Variants in KSR2 observed in about 807,000 individuals in gnomAD.
KSR2 encodes kinase suppressor of ras 2.
KSR2 carries 25 observed loss-of-function variants against 107.8 expected under a neutral mutation model. That is an observed-to-expected ratio of 0.23 (90% CI 0.17 to 0.32). The LOEUF is 0.32. Ranked by LOEUF, KSR2 falls within the 10% of genes least tolerant of loss-of-function variation. The pLI, the probability that KSR2 is intolerant of heterozygous loss-of-function variation, is 1.00. For synonymous variants in KSR2, 480 were observed against 507.0 expected (o/e 0.95, Z 0.71); for missense variants, 887 against 1,268.9 (o/e 0.70, Z 4.57).
chr12:117,953,917 C>T (rs1896435896), intron 1 of KSR2, among the ~76,000 whole-genome samples: 1 of 151,954 alleles, frequency 6.6e-6, no homozygotes, highest in Non-Finnish European at 1.5e-5. Flanking sequence ...TGGCAAGACC[C>T]AGCCTCTACA....
At chr12:117,709,344 T>C (rs1011170690) in intron 4 of KSR2, among the ~76,000 whole-genome samples, 13 of 152,156 alleles carry the variant, frequency 8.5e-5, no homozygotes, top group Admixed American at 3.3e-4. Context: ...GTTTTATTTT[T>C]GTTTTCTGAG....
chr12:117,840,105 A>T (rs4627174), intron 3 of KSR2, among the ~76,000 whole-genome samples: 28,846 of 146,918 alleles, frequency 0.2, 5,708 homozygotes, highest in African/African-American at 0.52. Context: ...ATTTTATTTT[A>T]TTTTTTTTTT....
chr12:117,762,216 A>G (rs114220496), intron 3 of KSR2, among the ~76,000 whole-genome samples: 265 of 152,360 alleles, frequency 1.7e-3, no homozygotes, highest in African/African-American at 6.3e-3. Flanking sequence ...AAGGACTTTA[A>G]AGGATAACTT....
At chr12:117,945,914 A>G (rs1228343756) in intron 1 of KSR2, among the ~76,000 whole-genome samples, 1 of 152,222 alleles carries the variant, frequency 6.6e-6, no homozygotes, top group Admixed American at 6.5e-5. Flanking sequence ...AGAAATCAGT[A>G]AGAAAAATAG....
chr12:117,606,329 C>T (rs1382296307), intron 5 of KSR2, among the ~76,000 whole-genome samples: 1 of 136,142 alleles, frequency 7.3e-6, no homozygotes, highest in East Asian at 2.4e-4. Flanking sequence ...TACTTTCTTC[C>T]TTCCTCCTTT....
intron 5 of KSR2, among the ~76,000 whole-genome samples, chr12:117,651,450 C>G (rs1883902867): frequency 6.6e-6 from 1 of 152,114 alleles, no homozygotes; most frequent in African/African-American, 2.4e-5. Context: ...ATCTAGAGAA[C>G]AGGCATGGGA....
chr12:117,679,058 T>C (rs1885259251), intron 4 of KSR2, among the ~76,000 whole-genome samples: 1 of 152,216 alleles, frequency 6.6e-6, no homozygotes, highest in Admixed American at 6.5e-5. Flanking sequence ...GCCCAAACTC[T>C]GTTTCCCCGT....
At chr12:117,518,801 G>T (rs745409405) in intron 14 of KSR2, among the ~76,000 whole-genome samples, 8 of 152,108 alleles carry the variant, frequency 5.3e-5, no homozygotes, top group Non-Finnish European at 1.2e-4. Flanking sequence ...ACCTCTACCT[G>T]AACTGCTCTT....
At chr12:117,745,636 G>A (rs1373293899) in intron 4 of KSR2, among the ~76,000 whole-genome samples, 1 of 152,096 alleles carries the variant, frequency 6.6e-6, no homozygotes, top group Non-Finnish European at 1.5e-5. Context: ...AGAGGATGTT[G>A]AATTGTCTCT....
At chr12:117,647,412 G>A (rs1010862245) in intron 5 of KSR2, among the ~76,000 whole-genome samples, 8 of 152,140 alleles carry the variant, frequency 5.3e-5, no homozygotes, top group African/African-American at 1.9e-4. Flanking sequence ...CAGACTGATG[G>A]GGCCAAGCCT....
At chr12:117,622,808 T>C (rs1882261901) in intron 5 of KSR2, among the ~76,000 whole-genome samples, 1 of 152,242 alleles carries the variant, frequency 6.6e-6, no homozygotes, top group Admixed American at 6.5e-5. Context: ...ACTCAATAGA[T>C]ATTTCTTGAA....
intron 1 of KSR2, among the ~76,000 whole-genome samples, chr12:117,951,057 G>A (rs892483286): frequency 2.6e-5 from 4 of 151,814 alleles, no homozygotes; most frequent in Non-Finnish European, 2.9e-5. Flanking sequence ...ACAGGCGCCC[G>A]CCACCACACC....
At chr12:117,955,526 C>A (rs73406679) in intron 1 of KSR2, among the ~76,000 whole-genome samples, 3 of 152,130 alleles carry the variant, frequency 2.0e-5, no homozygotes, top group African/African-American at 7.2e-5. Flanking sequence ...ACAATCTCAC[C>A]TCAGAGCTCA....
At chr12:117,473,401 A>T (rs1207720047) in intron 17 of KSR2, among the ~76,000 whole-genome samples, 2 of 152,222 alleles carry the variant, frequency 1.3e-5, no homozygotes, top group Non-Finnish European at 2.9e-5. Flanking sequence ...TGTCTTTCCC[A>T]AGATAACACA....
intron 5 of KSR2, among the ~76,000 whole-genome samples, chr12:117,594,291 C>T (rs534790959): frequency 3.3e-5 from 5 of 152,216 alleles, no homozygotes; most frequent in Admixed American, 6.5e-5. Context: ...TGCCAAAGAC[C>T]CCAGCCAGGT....
chr12:117,653,434 G>A (rs1883986777), intron 5 of KSR2, among the ~76,000 whole-genome samples: 1 of 152,256 alleles, frequency 6.6e-6, no homozygotes, highest in Admixed American at 6.5e-5. Flanking sequence ...CTCTGGCTTT[G>A]TGTCATAATC....
In KSR2 at chr12:117,697,672, G is replaced by A. The variant is rs370922206; in HGVS notation, c.987-30014C>T. ...GGTGAATCGCTTGAACCCAGGAGGC[G>A]GAGGTTGCAGTCAGCCGAGATCGCG... is the stretch of plus-strand genomic sequence containing the variant. On this transcript the variant is annotated intron_variant, in intron 4 of 19. Coordinates refer to ENST00000339824, the MANE Select transcript of KSR2 (RefSeq NM_173598.6). 1.4e-3 allele frequency among the ~76,000 whole-genome samples: 216 copies of A among 151,502 alleles called. 3 individuals are homozygous for A. Among genetic ancestry groups the A allele is most frequent in the Admixed American group, 7.8e-3 (118 of 15,220 alleles).
intron 18 of KSR2, among the ~76,000 whole-genome samples, chr12:117,470,049 A>C (rs539396200): frequency 6.6e-6 from 1 of 151,754 alleles, no homozygotes; most frequent in East Asian, 1.9e-4. Flanking sequence ...CTACCCATCC[A>C]GTCAATTCAC....
intron 4 of KSR2, among the ~76,000 whole-genome samples, chr12:117,735,335 C>A (rs1279548646): frequency 6.6e-6 from 1 of 152,160 alleles, no homozygotes; most frequent in Non-Finnish European, 1.5e-5. Flanking sequence ...ATTTGGCAAC[C>A]AAGTGACATT....
Sources: gnomAD v4.1 joint callset for allele counts (sites outside exome capture counted in the v4.1 genomes callset) on GRCh38, gnomAD v4.1.1 for gene constraint, MANE v1.5 for transcripts, NCBI Gene and HGNC (gene_info 2026-07-23, HGNC 2026-07-21) for gene names.